Variants in KMT5B observed in about 807,000 individuals in gnomAD.
KMT5B encodes histone-lysine N-methyltransferase KMT5B.
KMT5B carries 10 observed loss-of-function variants against 83.2 expected under a neutral mutation model. The observed-to-expected ratio is 0.12, with a 90% CI of 0.07 to 0.20. KMT5B has a LOEUF of 0.20. KMT5B is among the 10% of genes least tolerant of loss of function. The probability of loss-of-function intolerance (pLI) is 1.00; values close to 1 mark genes in which losing one functional copy is unlikely to be tolerated. For synonymous variants in KMT5B, 349 were observed against 388.8 expected, an observed-to-expected ratio of 0.90 and a Z score of 1.20; for missense variants, 753 against 1,067.2, an observed-to-expected ratio of 0.71 and a Z score of 4.10.
At chr11:68,198,177 A>G (rs1858947011) in intron 1 of KMT5B, among the ~76,000 whole-genome samples, 1 of 152,222 alleles carries the variant, frequency 6.6e-6, no homozygotes, top group South Asian at 2.1e-4. Flanking sequence ...TGAGGTCAGG[A>G]GTTCGAGACC....
chr11:68,179,495 C>G, intron 4 of KMT5B: 1 of 1,304,268 alleles, frequency 7.7e-7, no homozygotes, highest in Non-Finnish European at 1.0e-6. Context: ...TCCAGAGACT[C>G]ACTTCCCAGG....
chr11:68,189,555 C>T (rs911471333), intron 2 of KMT5B: 1 of 158,886 alleles, frequency 6.3e-6, no homozygotes, highest in Admixed American at 6.4e-5. Flanking sequence ...TGGAAATTAG[C>T]AAAGAAGTAC....
chr11:68,194,189 GTT>G (rs1160247623), intron 1 of KMT5B, among the ~76,000 whole-genome samples: 17 of 130,594 alleles, frequency 1.3e-4, no homozygotes, highest in Non-Finnish European at 9.9e-5. Flanking sequence ...CAAGTACCAA[GTT>G]TTTTTTTTTT....
At chr11:68,163,865 C>T (rs936867128) in intron 10 of KMT5B, among the ~76,000 whole-genome samples, 2 of 152,182 alleles carry the variant, frequency 1.3e-5, no homozygotes, top group African/African-American at 2.4e-5. Flanking sequence ...TGAGGAGCAG[C>T]GCCCCAGCCT....
intron 5 of KMT5B, 145 bp downstream of exon 5, chr11:68,174,873 G>A: frequency 1.4e-6 from 1 of 738,200 alleles, no homozygotes; most frequent in Non-Finnish European, 2.1e-6. Flanking sequence ...TCATCCAAAT[G>A]ACTGTATGTG....
chr11:68,205,921 G>C (rs889566367), intron 1 of KMT5B, among the ~76,000 whole-genome samples: 2 of 152,122 alleles, frequency 1.3e-5, no homozygotes, highest in Non-Finnish European at 2.9e-5. Flanking sequence ...CGCCCGGCCA[G>C]ACGTTCGCAA....
intron 10 of KMT5B, among the ~76,000 whole-genome samples, chr11:68,161,717 G>A (rs751115340): frequency 9.2e-5 from 14 of 152,184 alleles, no homozygotes; most frequent in Admixed American, 2.6e-4. Flanking sequence ...CAAAGAGAGC[G>A]CACTCTCCTG....
chr11:68,170,712 G>T (rs113348709), intron 9 of KMT5B, among the ~76,000 whole-genome samples: 1 of 152,148 alleles, frequency 6.6e-6, no homozygotes, highest in Non-Finnish European at 1.5e-5. Flanking sequence ...CTGGCATTGC[G>T]TGTGTGCATG....
At chr11:68,208,386 G>A (rs1010566135) in intron 1 of KMT5B, among the ~76,000 whole-genome samples, 36 of 151,958 alleles carry the variant, frequency 2.4e-4, no homozygotes, top group Admixed American at 1.8e-3. Flanking sequence ...CTGGGAGGTG[G>A]AGGTTGCAAT....
At chr11:68,161,361 T>C (rs1047628227) in intron 10 of KMT5B, among the ~76,000 whole-genome samples, 1 of 152,194 alleles carries the variant, frequency 6.6e-6, no homozygotes, top group African/African-American at 2.4e-5. Context: ...TGCTTGGCTC[T>C]CTCAGATGTG....
chr11:68,193,086 C>G (rs1858282004), intron 1 of KMT5B, among the ~76,000 whole-genome samples: 1 of 152,128 alleles, frequency 6.6e-6, no homozygotes, highest in Admixed American at 6.6e-5. Flanking sequence ...TGCATTAGTA[C>G]AAGTCAGACT....
At chr11:68,166,564 AAT>A (rs1855340078) in intron 10 of KMT5B, 2 of 1,009,700 alleles carry the variant, frequency 2.0e-6, no homozygotes, top group African/African-American at 3.5e-5. Context: ...AGAAGCTATG[AAT>A]TCCCCAAGTC....
Position 68,185,164 on chromosome 11 carries a change from C to T in KMT5B, c.308+617G>A, listed in dbSNP as rs537144313. ...ATAATCATACACTTTCAAGGTGTTA[C>T]AGGATGCTTGTCAGATTTTTCTTTT... On this transcript the variant is annotated intron_variant, in intron 3 of 10. Coordinates refer to ENST00000304363, the MANE Select transcript of KMT5B (RefSeq NM_017635.5). Among the ~76,000 whole-genome samples the T allele has an allele frequency of 4.3e-3, 658 of 151,972 alleles. 7 individuals carry two copies. Among genetic ancestry groups the T allele is most frequent in the African/African-American group, 0.015 (620 of 41,454 alleles).
intron 2 of KMT5B, among the ~76,000 whole-genome samples, chr11:68,186,919 T>G (rs1159201588): frequency 6.6e-6 from 1 of 152,214 alleles, no homozygotes; most frequent in Non-Finnish European, 1.5e-5. Context: ...TGTAGGTATG[T>G]GAAAAGCTAT....
intron 1 of KMT5B, among the ~76,000 whole-genome samples, chr11:68,201,325 T>C (rs1334879387): frequency 1.3e-5 from 2 of 152,224 alleles, no homozygotes; most frequent in Admixed American, 6.5e-5. Context: ...AAAACCTTAA[T>C]ACTTTAACAC....
At chr11:68,186,568 C>T (rs892843916) in intron 2 of KMT5B, among the ~76,000 whole-genome samples, 4 of 152,060 alleles carry the variant, frequency 2.6e-5, no homozygotes, top group Admixed American at 2.0e-4. Flanking sequence ...CAATTATGAA[C>T]GAATGGATAA....
Position 68,171,238 on chromosome 11 carries a change from A to G in KMT5B, c.834T>C (p.Asn278=), listed in dbSNP as rs761567970. Residue 278 remains asparagine, a synonymous_variant, in exon 8 of 11, where the codon AAT becomes AAC. Transcript: ENST00000304363. This position sits in a 1 kb window ranked among gnomAD's most constrained non-coding sequence, Gnocchi z 5.1. Reference sequence around the variant, plus strand: ...AAATTTTTTTAATGCTTACCTTACAATTAGGTCTGCAATCTGAAAAATGTC... The same window carrying G: ...AAATTTTTTTAATGCTTACCTTACAGTTAGGTCTGCAATCTGAAAAATGTC... The part of the protein sequence containing the change: ...AAFINHDCRP[N]CKFVSTGRDT... The G allele has an allele frequency of 1.2e-6, 2 of 1,608,578 alleles. No individual in the cohort carries two copies. Among genetic ancestry groups the G allele is most frequent in the East Asian group, 2.2e-5 (1 of 44,832 alleles).
intron 10 of KMT5B, among the ~76,000 whole-genome samples, chr11:68,161,964 C>A (rs770897536): frequency 6.6e-6 from 1 of 152,192 alleles, no homozygotes; most frequent in African/African-American, 2.4e-5. Flanking sequence ...CTCCTGACGA[C>A]GTCCCCTTTC....
intron 1 of KMT5B, among the ~76,000 whole-genome samples, chr11:68,192,170 A>C (rs186484536): frequency 5.4e-4 from 82 of 152,264 alleles, no homozygotes; most frequent in African/African-American, 1.9e-3. Context: ...ACATTTCTAG[A>C]ATGTGTCCGA....
Sources: gnomAD v4.1 joint callset for allele counts (sites outside exome capture counted in the v4.1 genomes callset) on GRCh38, gnomAD v4.1.1 for gene constraint, Gnocchi (gnomAD v3.1) non-coding constraint, MANE v1.5 for transcripts, NCBI Gene and HGNC (gene_info 2026-07-23, HGNC 2026-07-21) for gene names.